Variants in ZNF608 observed in about 807,000 individuals in gnomAD.
The protein encoded by ZNF608 is renal carcinoma antigen NY-REN-36.
In ZNF608, 12 loss-of-function variants were observed where a neutral mutation model predicts 109.0. The ratio of observed to expected loss-of-function variants is 0.11; its 90% confidence interval spans 0.07 to 0.18. The LOEUF (loss-of-function observed/expected upper bound fraction) is 0.18, where lower values mean the gene tolerates loss of function less well. ZNF608 is among the 10% of genes least tolerant of loss of function. The pLI, the probability that ZNF608 is intolerant of heterozygous loss-of-function variation, is 1.00. For missense variants in ZNF608, 1,707 were observed against 1,879.3 expected (o/e 0.91, Z 1.70); for synonymous variants, 732 against 717.4 (o/e 1.02, Z -0.33).
At chr5:124,735,629 A>G (rs1749109904) in intron 2 of ZNF608, among the ~76,000 whole-genome samples, 1 of 152,220 alleles carries the variant, frequency 6.6e-6, no homozygotes, top group Admixed American at 6.5e-5. Flanking sequence ...ATTGTGGAGG[A>G]TAATACAGCA....
chr5:124,660,172 CTGTG>C (rs35200784), intron 3 of ZNF608, among the ~76,000 whole-genome samples: 10 of 150,256 alleles, frequency 6.7e-5, no homozygotes, highest in South Asian at 2.1e-4. Flanking sequence ...TCTCTTAACT[CTGTG>C]TGTGTGTGTG....
In ZNF608 at chr5:124,639,153, T is replaced by G; in HGVS notation, c.4512A>C (p.Gly1504=). ...QQVAAQASAS[G]MFPGQRRE The stretch of plus-strand genomic sequence containing the variant: ...TTTACCTTCTTTGTCCAGGAAACAT[T>G]CCAGATGCAGATGCCTGGGCAGCCA... Residue 1504 remains glycine, a synonymous_variant, in exon 9 of 10, where the codon GGA becomes GGC. Transcript: ENST00000513986. The G allele has an allele frequency of 6.2e-7, 1 of 1,614,216 alleles. No homozygotes were observed. The highest frequency in any genetic ancestry group is 8.5e-7 in the Non-Finnish European group (1 of 1,180,022).
Position 124,744,361 on chromosome 5 carries a change from G to C in ZNF608, c.629C>G (p.Ser210Cys). The change falls in exon 2 of 10, where the codon TCC becomes TGC. Residue 210 changes from serine (S) to cysteine (C), a missense_variant. This residue lies in a region of ZNF608 where 407 missense variants were observed against 398.7 expected (regional missense o/e 1.02). Transcript: ENST00000513986. This position sits in a 1 kb window ranked among gnomAD's most constrained non-coding sequence, Gnocchi z 4.5. ...GAKRDKDAGK[S>C]RKDKHDLLQG... ...AAGCAGGTCGTGCTTGTCCTTCCTG[G>C]ATTTCCCCGCATCCTTATCCCGCTT... The C allele has an allele frequency of 6.2e-7, 1 of 1,614,266 alleles. No homozygotes were observed. Among genetic ancestry groups the C allele is most frequent in the Non-Finnish European group, 8.5e-7 (1 of 1,180,052 alleles).
chr5:124,742,238 G>T (rs1157593813), intron 2 of ZNF608, among the ~76,000 whole-genome samples: 6 of 152,220 alleles, frequency 3.9e-5, no homozygotes. Flanking sequence ...AATCTCAGTT[G>T]CCATGACAGC....
chr5:124,652,004 G>T (rs1257716350), intron 3 of ZNF608, among the ~76,000 whole-genome samples: 1 of 151,462 alleles, frequency 6.6e-6, no homozygotes, highest in Non-Finnish European at 1.5e-5. Flanking sequence ...CGCGCCACGC[G>T]GCTCCACACA....
At chr5:124,708,586 C>G in intron 2 of ZNF608, 1 of 401,554 alleles carries the variant, frequency 2.5e-6, no homozygotes, top group Non-Finnish European at 5.0e-6. Context: ...AGAAACCTCA[C>G]TTTAAAACCT....
At position 124,723,610 on chromosome 5, in the gene ZNF608, C is replaced by T. The variant is rs542318781; in HGVS notation, c.906+20474G>A. The stretch of plus-strand genomic sequence containing the variant: ...GGCTGAGGCAGGAGAATCACTTGAA[C>T]CCAGGAGGCAGAGGTTGCAATGACC... On this transcript the variant is annotated intron_variant, in intron 2 of 9. Coordinates refer to ENST00000513986, the MANE Select transcript of ZNF608 (RefSeq NM_020747.3). Among the ~76,000 whole-genome samples the T allele has an allele frequency of 3.8e-3, 574 of 152,246 alleles. 2 individuals carry two copies. Among genetic ancestry groups the T allele is most frequent in the Admixed American group, 7.1e-3 (108 of 15,294 alleles).
At chr5:124,643,768 A>C in intron 6 of ZNF608, 85 bp from the exon 7 acceptor site, 1 of 1,379,690 alleles carries the variant, frequency 7.2e-7, no homozygotes, top group Admixed American at 2.1e-5. Flanking sequence ...TTGGGATAAG[A>C]GTCAAAGAGA....
At chr5:124,742,108 C>G (rs184787309) in intron 2 of ZNF608, among the ~76,000 whole-genome samples, 3 of 152,210 alleles carry the variant, frequency 2.0e-5, no homozygotes, top group East Asian at 3.9e-4. Context: ...TTATACTGCT[C>G]TAACTGAAGA....
intron 3 of ZNF608, among the ~76,000 whole-genome samples, chr5:124,690,741 G>A (rs913734855): frequency 2.0e-5 from 3 of 151,580 alleles, no homozygotes; most frequent in Admixed American, 6.6e-5. Flanking sequence ...AAGACACTAA[G>A]ACAAAGGCAA....
chr5:124,688,673 CA>C (rs1466311179), intron 3 of ZNF608, among the ~76,000 whole-genome samples: 1 of 151,990 alleles, frequency 6.6e-6, no homozygotes, highest in Non-Finnish European at 1.5e-5. Flanking sequence ...TAAAACAAAA[CA>C]AAAAAACTTC....
intron 3 of ZNF608, among the ~76,000 whole-genome samples, chr5:124,677,697 T>G (rs1383862295): frequency 1.3e-5 from 2 of 152,172 alleles, no homozygotes; most frequent in Non-Finnish European, 2.9e-5. Context: ...CTTCTGCAAC[T>G]AATTCTCAAT....
At chr5:124,739,221 C>A (rs1451178323) in intron 2 of ZNF608, among the ~76,000 whole-genome samples, 1 of 152,160 alleles carries the variant, frequency 6.6e-6, no homozygotes, top group African/African-American at 2.4e-5. Context: ...CAATAAAAGA[C>A]CTCAAACAAA....
intron 1 of ZNF608, 47 bp from the exon 2 acceptor site, chr5:124,745,219 C>G: frequency 1.5e-6 from 2 of 1,375,122 alleles, no homozygotes; most frequent in Non-Finnish European, 1.9e-6. Flanking sequence ...CTGGGTGTTA[C>G]CAGAATAAAA....
chr5:124,643,587 G>C lies in ZNF608; in HGVS notation c.4220C>G (p.Thr1407Arg), dbSNP rs558982486. The C allele has an allele frequency of 6.2e-7, 1 of 1,614,168 alleles. No individual in the cohort carries two copies. Among genetic ancestry groups the C allele is most frequent in the Non-Finnish European group, 8.5e-7 (1 of 1,180,026 alleles). Residue 1407 changes from threonine to arginine, a missense_variant, in exon 7 of 10, where the codon ACG becomes AGG. Transcript: ENST00000513986. ...TGCTTTAGATTCAGTGGTTGTTTTC[G>C]TGTTGACGCTAGGGCTGGTATTGAC... is the stretch of plus-strand genomic sequence containing the variant. The part of the protein sequence containing the change: ...EKVNTSPSVN[T>R]KTTTESKALD...
At chr5:124,745,274 G>T (rs1293230034) in intron 1 of ZNF608, 102 bp from the exon 2 acceptor site, 3 of 1,091,428 alleles carry the variant, frequency 2.7e-6, no homozygotes. Context: ...GGGAAGGATG[G>T]AGAGTAAGGT....
Position 124,746,269 on chromosome 5 carries a change from C to G in ZNF608, c.-258G>C. Reference sequence around the variant, plus strand: ...TTCCCACTCCACTCGGCAAACAAGCCTGTGCCTCATTTTACTTAAACACCA... The same window carrying G: ...TTCCCACTCCACTCGGCAAACAAGCGTGTGCCTCATTTTACTTAAACACCA... On this transcript the variant is annotated 5_prime_UTR_variant, in exon 1 of 10. Coordinates refer to ENST00000513986, the MANE Select transcript of ZNF608 (RefSeq NM_020747.3). 1.0e-6 allele frequency: 1 copy of G among 985,386 alleles called. No individual in the cohort carries two copies. Among genetic ancestry groups the G allele is most frequent in the Non-Finnish European group, 1.2e-6 (1 of 829,934 alleles). The allele number at this position is 985,386 out of a possible 1,614,324, so 61.0% of individuals were successfully genotyped here.
intron 2 of ZNF608, among the ~76,000 whole-genome samples, chr5:124,726,777 C>G (rs1238745213): frequency 1.3e-5 from 2 of 152,186 alleles, no homozygotes; most frequent in South Asian, 2.1e-4. Flanking sequence ...CCCTGCATGA[C>G]CTGGCCTCTG....
intron 2 of ZNF608, among the ~76,000 whole-genome samples, chr5:124,729,259 C>CT (rs1451243155): frequency 2.0e-5 from 3 of 152,240 alleles, no homozygotes; most frequent in Non-Finnish European, 1.5e-5. Context: ...CTTACTCCGT[C>CT]TTTGAGCTTC....
Sources: gnomAD v4.1 joint callset for allele counts (sites outside exome capture counted in the v4.1 genomes callset) on GRCh38, gnomAD v4.1.1 for gene constraint, gnomAD v4.1.1 regional missense constraint, Gnocchi (gnomAD v3.1) non-coding constraint, MANE v1.5 for transcripts, NCBI Gene and HGNC (gene_info 2026-07-23, HGNC 2026-07-21) for gene names.